The following ASIC2 variants were observed in gnomAD, a reference collection of about 807,000 sequenced individuals.
ASIC2 encodes acid-sensing ion channel 2.
Under a neutral mutation model 57.3 loss-of-function variants are expected in ASIC2, and 25 were observed. The ratio of observed to expected loss-of-function variants is 0.44; its 90% confidence interval spans 0.32 to 0.61. ASIC2 has a LOEUF of 0.61. Ranked by LOEUF, ASIC2 falls within the 20% of genes least tolerant of loss-of-function variation. ASIC2 has a pLI of 0.06. For synonymous variants in ASIC2, 319 were observed against 307.5 expected (o/e 1.04, Z -0.39); for missense variants, 641 against 738.1 (o/e 0.87, Z 1.52).
chr17:33,069,955 GA>G (rs1480703116), intron 3 of ASIC2, among the ~76,000 whole-genome samples: 3 of 152,066 alleles, frequency 2.0e-5, no homozygotes, highest in African/African-American at 7.2e-5. Flanking sequence ...AGTAAATGAA[GA>G]TAAAATATTT....
intron 1 of ASIC2, among the ~76,000 whole-genome samples, chr17:33,194,437 T>G (rs1176980049): frequency 6.6e-6 from 1 of 152,174 alleles, no homozygotes; most frequent in Non-Finnish European, 1.5e-5. Flanking sequence ...AGGATAGATA[T>G]GAAATTGCTC....
chr17:33,161,162 A>C (rs1905149651), intron 1 of ASIC2, among the ~76,000 whole-genome samples: 1 of 152,218 alleles, frequency 6.6e-6, no homozygotes, highest in South Asian at 2.1e-4. Flanking sequence ...TCCTGTGCTG[A>C]GAAAGGGTGG....
intron 1 of ASIC2, among the ~76,000 whole-genome samples, chr17:33,663,442 T>C (rs1907359180): frequency 2.1e-5 from 3 of 145,220 alleles, no homozygotes; most frequent in South Asian, 4.3e-4. Flanking sequence ...CTGAGGCTAA[T>C]GCCGTCGTTT....
Position 33,965,331 on chromosome 17 carries a change from A to AT in ASIC2, c.555+190646dup, listed in dbSNP as rs1905044395. ...TCCTGCCCTTTATATTCCACTGTGG[A>AT]TTTTTTTTCTTTTTCTAATTACATA... On this transcript the variant is annotated intron_variant, in intron 1 of 9. Coordinates refer to the ASIC2 transcript ENST00000359872. Among the ~76,000 whole-genome samples the AT allele has an allele frequency of 2.6e-5, 4 of 151,952 alleles. No homozygotes were observed. The South Asian group carries it at 6.2e-4, about 24-fold the overall frequency.
rs530524491 is a variant in ASIC2 at position 33,623,902 on chromosome 17, C to T, written c.556-511835G>A. ...CAGCCCCCCACCTTCCCATCTGTCA[C>T]CCTCCTCTGCCTTCTCTCTCTGGTG... On this transcript the variant is annotated intron_variant, in intron 1 of 9. Coordinates refer to the ASIC2 transcript ENST00000359872. Among the ~76,000 whole-genome samples, 6 of 152,312 alleles carry T rather than the reference C, an allele frequency of 3.9e-5. No homozygotes were observed. In the South Asian group the frequency reaches 1.2e-3, roughly 32 times the overall value.
At chr17:33,321,638 C>T (rs1296644123) in intron 1 of ASIC2, among the ~76,000 whole-genome samples, 6 of 152,100 alleles carry the variant, frequency 3.9e-5, no homozygotes, top group Admixed American at 3.9e-4. Flanking sequence ...AACCATTTTG[C>T]TTCTTGCTGG....
intron 1 of ASIC2, among the ~76,000 whole-genome samples, chr17:33,983,566 T>C (rs1440748960): frequency 2.0e-5 from 3 of 152,200 alleles, no homozygotes; most frequent in African/African-American, 7.2e-5. Context: ...CTCAGTCTTC[T>C]GAGGGTCACC....
intron 1 of ASIC2, among the ~76,000 whole-genome samples, chr17:33,647,786 A>G (rs892931177): frequency 1.3e-5 from 2 of 152,366 alleles, no homozygotes; most frequent in Non-Finnish European, 2.9e-5. Context: ...AAAATGCCCA[A>G]TTAGAGCAGG....
At chr17:33,341,122 A>G (rs1907703924) in intron 1 of ASIC2, among the ~76,000 whole-genome samples, 1 of 152,232 alleles carries the variant, frequency 6.6e-6, no homozygotes, top group African/African-American at 2.4e-5. Context: ...AAGGTATCCA[A>G]TCCAGTGGTA....
intron 1 of ASIC2, among the ~76,000 whole-genome samples, chr17:34,050,269 G>A (rs1351473045): frequency 6.6e-6 from 1 of 152,190 alleles, no homozygotes; most frequent in Non-Finnish European, 1.5e-5. Context: ...ACCACTTCGT[G>A]AAAGGGCAGA....
chr17:33,699,470 G>T (rs1908630646), intron 1 of ASIC2, among the ~76,000 whole-genome samples: 1 of 152,200 alleles, frequency 6.6e-6, no homozygotes, highest in South Asian at 2.1e-4. Context: ...GGGATTTGAT[G>T]CATTTCCTAG....
At chr17:33,139,680 G>A (rs144663272) in intron 1 of ASIC2, among the ~76,000 whole-genome samples, 1 of 152,210 alleles carries the variant, frequency 6.6e-6, no homozygotes, top group Non-Finnish European at 1.5e-5. Flanking sequence ...CCCTCCTGCT[G>A]GTCTCTCAGA....
rs567543183 is a variant in ASIC2, at chr17:33,830,892, T to C, written c.555+325086A>G. Among the ~76,000 whole-genome samples the C allele has an allele frequency of 1.4e-3, 217 of 151,928 alleles. 1 individual carries two copies. Among genetic ancestry groups the C allele is most frequent in the African/African-American group, 4.9e-3 (203 of 41,436 alleles). On this transcript the variant is annotated intron_variant, in intron 1 of 9. Transcript: ENST00000359872. ...TTAGGAGGCCAAAGTGGGTGGATCA[T>C]CTGAGGTCAGGAGTTTGAGACCAGC... is the stretch of plus-strand genomic sequence containing the variant.
At chr17:33,263,800 A>C (rs1303988070) in intron 1 of ASIC2, among the ~76,000 whole-genome samples, 4 of 152,250 alleles carry the variant, frequency 2.6e-5, no homozygotes, top group African/African-American at 9.6e-5. Flanking sequence ...GCTTACAAGA[A>C]GAATTCCTAA....
intron 1 of ASIC2, among the ~76,000 whole-genome samples, chr17:33,469,342 A>G (rs940969399): frequency 2.0e-5 from 3 of 152,170 alleles, no homozygotes; most frequent in Non-Finnish European, 4.4e-5. Flanking sequence ...ACCATGAGGA[A>G]TGGGGCAGTA....
chr17:33,567,259 T>C (rs2141988516), intron 1 of ASIC2, among the ~76,000 whole-genome samples: 1 of 152,266 alleles, frequency 6.6e-6, no homozygotes, highest in Middle Eastern at 3.4e-3. Context: ...CCTTCATTTC[T>C]AGCAGAGGGA....
chr17:33,716,002 C>T (rs1359729886), intron 1 of ASIC2, among the ~76,000 whole-genome samples: 1 of 152,158 alleles, frequency 6.6e-6, no homozygotes, highest in African/African-American at 2.4e-5. Context: ...ATTAACATCT[C>T]CTCCTCCATT....
At chr17:33,858,501 G>A (rs1475133245) in intron 1 of ASIC2, among the ~76,000 whole-genome samples, 1 of 152,212 alleles carries the variant, frequency 6.6e-6, no homozygotes, top group African/African-American at 2.4e-5. Flanking sequence ...ATTAACGCTG[G>A]GGTTAGCGGG....
At chr17:34,106,480 G>A (rs918254323) in intron 1 of ASIC2, among the ~76,000 whole-genome samples, 1 of 152,014 alleles carries the variant, frequency 6.6e-6, no homozygotes, top group Non-Finnish European at 1.5e-5. Context: ...TCTAATGCCA[G>A]GAAGAAACCT....
Sources: allele counts gnomAD v4.1 joint callset (sites outside exome capture counted in the v4.1 genomes callset), GRCh38; gene constraint gnomAD v4.1.1; transcripts MANE v1.5; gene names NCBI Gene and HGNC (gene_info 2026-07-23, HGNC 2026-07-21).